Variants in ELOVL2 observed in about 807,000 individuals in gnomAD.
ELOVL2 encodes ELOVL fatty acid elongase 2.
ELOVL2 carries 38 observed loss-of-function variants against 37.7 expected under a neutral mutation model. That is an observed-to-expected ratio of 1.01 (90% CI 0.78 to 1.32). ELOVL2 has a LOEUF of 1.32. Ranked by LOEUF, ELOVL2 falls within the 40% of genes most tolerant of loss-of-function variation. ELOVL2 has a pLI of 0.00. For missense variants in ELOVL2, 352 were observed against 363.6 expected, an observed-to-expected ratio of 0.97 and a Z score of 0.26; for synonymous variants, 115 against 122.3, an observed-to-expected ratio of 0.94 and a Z score of 0.40.
At chr6:11,042,294 CAG>C (rs1234836486) in intron 1 of ELOVL2, among the ~76,000 whole-genome samples, 2 of 151,936 alleles carry the variant, frequency 1.3e-5, no homozygotes, top group South Asian at 2.1e-4. Flanking sequence ...GCCTGGGTGA[CAG>C]AGTGAGACCC....
chr6:11,040,165 C>A (rs1783077387), intron 1 of ELOVL2, among the ~76,000 whole-genome samples: 1 of 151,900 alleles, frequency 6.6e-6, no homozygotes, highest in African/African-American at 2.4e-5. Context: ...GACTGAAGAG[C>A]TGGTGGAATT....
At position 11,010,020 on chromosome 6, in the gene ELOVL2, CAT is replaced by C. The variant is rs1439975702; in HGVS notation, c.67+724_67+725del. Among the ~76,000 whole-genome samples the C allele has an allele frequency of 4.8e-5, 7 of 144,776 alleles. No individual in the cohort carries two copies. The Admixed American group carries it at 5.1e-4, about 10-fold the overall frequency. The allele number at this position is 144,776 out of a possible 152,430, so 95.0% of individuals were successfully genotyped here. ...GGGCCCCGGGCAGAGAAAGCGCACA[CAT>C]CTTTTTTTTTTTTTTTTTTGAGACA... On this transcript the variant is annotated intron_variant, in intron 2 of 7. Coordinates refer to ENST00000354666, the MANE Select transcript of ELOVL2 (RefSeq NM_017770.4).
chr6:11,029,592 A>T (rs1482559000), intron 1 of ELOVL2, among the ~76,000 whole-genome samples: 7 of 152,172 alleles, frequency 4.6e-5, no homozygotes, highest in Non-Finnish European at 1.0e-4. Context: ...ATCTAAGGGG[A>T]GTGACATCGT....
At chr6:10,993,813 G>C (rs1404299373) in intron 5 of ELOVL2, among the ~76,000 whole-genome samples, 4 of 149,306 alleles carry the variant, frequency 2.7e-5, no homozygotes, top group Non-Finnish European at 5.9e-5. Flanking sequence ...TCAGCCTCCC[G>C]AGGAGCTGGT....
At chr6:10,995,522 G>A (rs962678702) in intron 4 of ELOVL2, among the ~76,000 whole-genome samples, 18 of 152,176 alleles carry the variant, frequency 1.2e-4, no homozygotes, top group Admixed American at 1.1e-3. Flanking sequence ...CCACCACGGT[G>A]TCCTGTGTGC....
chr6:10,991,173 G>A (rs1288913158), intron 5 of ELOVL2, among the ~76,000 whole-genome samples: 1 of 152,254 alleles, frequency 6.6e-6, no homozygotes, highest in Non-Finnish European at 1.5e-5. Flanking sequence ...ACCATGCTGG[G>A]TCAGCTAAGC....
At chr6:10,990,667 G>GCC (rs372558428) in intron 5 of ELOVL2, among the ~76,000 whole-genome samples, 2,631 of 142,822 alleles carry the variant, frequency 0.018, 100 homozygotes, top group African/African-American at 0.06. Context: ...TTTTCAGAAT[G>GCC]CCCCCCCCCC....
intron 3 of ELOVL2, among the ~76,000 whole-genome samples, chr6:11,003,319 G>A (rs1057505390): frequency 2.0e-5 from 3 of 152,034 alleles, no homozygotes; most frequent in African/African-American, 2.4e-5. Flanking sequence ...CCCACCCCCC[G>A]ACAGGCCCGG....
At chr6:11,007,426 G>A (rs1581869646) in intron 2 of ELOVL2, among the ~76,000 whole-genome samples, 1 of 152,146 alleles carries the variant, frequency 6.6e-6, no homozygotes, top group East Asian at 1.9e-4. Flanking sequence ...TGTGAAGAGG[G>A]AGGCAGAGAT....
chr6:11,019,760 T>G (rs983492093), intron 1 of ELOVL2, among the ~76,000 whole-genome samples: 1 of 150,346 alleles, frequency 6.7e-6, no homozygotes, highest in Non-Finnish European at 1.5e-5. Context: ...TTGTTTGTTT[T>G]TTTGATAGAG....
intron 1 of ELOVL2, among the ~76,000 whole-genome samples, chr6:11,011,859 A>C (rs1359559550): frequency 1.3e-5 from 2 of 152,174 alleles, no homozygotes; most frequent in African/African-American, 4.8e-5. Context: ...CTCCTCAAGC[A>C]ACCAGAGGAG....
chr6:11,005,656 A>C, intron 2 of ELOVL2, 97 bp from the exon 3 acceptor site: 1 of 985,832 alleles, frequency 1.0e-6, no homozygotes, highest in Non-Finnish European at 1.5e-6. Flanking sequence ...CACCAGCACA[A>C]CAGGGAACAA....
chr6:11,000,055 T>C (rs1490297120), intron 4 of ELOVL2, 32 bp downstream of exon 4: 2 of 1,600,508 alleles, frequency 1.2e-6, no homozygotes, highest in Non-Finnish European at 1.7e-6. Flanking sequence ...GGGAACTGGT[T>C]ATAGTTGGTT....
At chr6:11,026,694 A>G (rs1561726538) in intron 1 of ELOVL2, among the ~76,000 whole-genome samples, 1 of 152,208 alleles carries the variant, frequency 6.6e-6, no homozygotes, top group South Asian at 2.1e-4. Flanking sequence ...CCACACTCTT[A>G]CCTCGTACTA....
chr6:10,995,206 G>C (rs1782243544), intron 4 of ELOVL2, 28 bp from the exon 5 acceptor site: 5 of 1,546,758 alleles, frequency 3.2e-6, no homozygotes, highest in African/African-American at 1.4e-5. Context: ...GGGGAGAAAA[G>C]GGTGAGAAAT....
intron 1 of ELOVL2, among the ~76,000 whole-genome samples, chr6:11,040,553 A>C (rs1375452794): frequency 6.6e-6 from 1 of 152,210 alleles, no homozygotes; most frequent in Non-Finnish European, 1.5e-5. Flanking sequence ...TTGTCTCTGT[A>C]CTTTTTAAAT....
At chr6:11,001,855 G>A (rs772744513) in intron 3 of ELOVL2, among the ~76,000 whole-genome samples, 1 of 152,150 alleles carries the variant, frequency 6.6e-6, no homozygotes, top group Non-Finnish European at 1.5e-5. Context: ...AATAGGGTTA[G>A]GTGTAAGGAG....
Position 11,043,471 on chromosome 6 carries a change from C to CACACACACACACACAA in ELOVL2, c.3+756_3+757insTTGTGTGTGTGTGTGT, listed in dbSNP as rs1554114358. 17 of 140,652 alleles carry CACACACACACACACAA rather than the reference C, an allele frequency of 1.2e-4. 1 individual carries two copies. The Admixed American group carries it at 1.2e-3, about 10-fold the overall frequency. The allele number at this position is 140,652 out of a possible 1,614,324, so 8.7% of individuals were successfully genotyped here. A position where few individuals can be genotyped will look rare whatever the true frequency, so the allele number is the denominator to read the frequency against. ...GCAGTTCATCGGACACGGGTGAACACACACACACACACACACAGCTTACTG... is the reference window on the plus strand; with the variant it reads ...GCAGTTCATCGGACACGGGTGAACACACACACACACACACAAACACACACACACACACAGCTTACTG... On this transcript the variant is annotated intron_variant, in intron 1 of 7. Transcript: ENST00000354666.
At chr6:11,025,615 A>G (rs1782827292) in intron 1 of ELOVL2, among the ~76,000 whole-genome samples, 1 of 152,242 alleles carries the variant, frequency 6.6e-6, no homozygotes, top group African/African-American at 2.4e-5. Context: ...CATAAAAATT[A>G]AAACAAAGTT....
Sources: gnomAD v4.1 joint callset for allele counts (sites outside exome capture counted in the v4.1 genomes callset) on GRCh38, gnomAD v4.1.1 for gene constraint, MANE v1.5 for transcripts, NCBI Gene and HGNC (gene_info 2026-07-23, HGNC 2026-07-21) for gene names.